LEPROTL1: variants seen among roughly 807,000 people sequenced by gnomAD.
LEPROTL1 encodes leptin receptor overlapping transcript like 1.
In LEPROTL1, 6 loss-of-function variants were observed where a neutral mutation model predicts 15.4. The observed-to-expected ratio is 0.39, with a 90% CI of 0.21 to 0.77. LEPROTL1 has a LOEUF of 0.77. LEPROTL1 is among the 30% of genes least tolerant of loss of function. The probability of loss-of-function intolerance (pLI) is 0.41; values close to 1 mark genes in which losing one functional copy is unlikely to be tolerated. For synonymous variants in LEPROTL1, 56 were observed against 52.6 expected (o/e 1.06, Z -0.28); for missense variants, 128 against 158.1 (o/e 0.81, Z 1.02).
In LEPROTL1 at chr8:30,105,971, G is replaced by A. The variant is rs1802559151; in HGVS notation, c.*109G>A. The stretch of plus-strand genomic sequence containing the variant: ...TGAATGGTATAGCAAGCCTCTTGGG[G>A]GTATTTTAGGTGCTCCCTTCTCACT... On this transcript the variant is annotated 3_prime_UTR_variant, in exon 4 of 4. Coordinates refer to ENST00000321250, the MANE Select transcript of LEPROTL1 (RefSeq NM_015344.3). 2 of 1,301,456 alleles carry A rather than the reference G, an allele frequency of 1.5e-6. No individual in the cohort carries two copies. Among genetic ancestry groups the A allele is most frequent in the Admixed American group, 6.0e-5 (2 of 33,346 alleles). 80.6% of individuals were successfully genotyped at this position (1,301,456 alleles called of 1,614,324 possible). A position where few individuals can be genotyped will look rare whatever the true frequency, so the allele number is the denominator to read the frequency against.
intron 3 of LEPROTL1, among the ~76,000 whole-genome samples, chr8:30,130,335 A>G (rs1443441377): frequency 1.3e-5 from 2 of 152,190 alleles, no homozygotes; most frequent in Non-Finnish European, 2.9e-5. Flanking sequence ...CCCAATTTTC[A>G]TCACTGCCAT....
rs1160424816 is a variant in LEPROTL1, at chr8:30,120,079, AAATAAAT to A, written c.280-12293_280-12287del. On this transcript the variant is annotated intron_variant, in intron 3 of 4. Transcript: ENST00000442880. ...AGACTCCATCAATAAATAAATAAAT[AAATAAAT>A]AAATAAATAAATAAATAAATGTATG... Among the ~76,000 whole-genome samples, 12 of 57,424 alleles carry A rather than the reference AAATAAAT, an allele frequency of 2.1e-4. No individual in the cohort carries two copies. The East Asian group carries it at 4.4e-3, about 21-fold the overall frequency. 37.7% of individuals were successfully genotyped at this position (57,424 alleles called of 152,430 possible).
At position 30,106,777 on chromosome 8, in the gene LEPROTL1, G is replaced by A; in HGVS notation, c.*915G>A. On this transcript the variant is annotated 3_prime_UTR_variant, in exon 4 of 4. Transcript: ENST00000321250. ...ATACATGGAACCACTACTGATGAGG[G>A]ACAGTTGTATGTTTGCATCATATAT... 1.0e-6 allele frequency: 1 copy of A among 983,868 alleles called. No homozygotes were observed. The highest frequency in any genetic ancestry group is 1.2e-6 in the Non-Finnish European group (1 of 828,220). The allele number at this position is 983,868 out of a possible 1,614,324, so 60.9% of individuals were successfully genotyped here.
intron 1 of LEPROTL1, among the ~76,000 whole-genome samples, chr8:30,098,372 T>C (rs1375878307): frequency 1.3e-5 from 2 of 152,226 alleles, no homozygotes; most frequent in East Asian, 3.8e-4. Flanking sequence ...TGAATTCCCA[T>C]CTAACAATTG....
At chr8:30,109,193 CA>C (rs1471092634), downstream of LEPROTL1, among the ~76,000 whole-genome samples, 2 of 152,178 alleles carry the variant, frequency 1.3e-5, no homozygotes, top group African/African-American at 2.4e-5. Context: ...ACAAGCAACA[CA>C]ACGTTATTGT....
downstream of LEPROTL1, among the ~76,000 whole-genome samples, chr8:30,109,868 A>C (rs956173342): frequency 6.6e-6 from 1 of 151,726 alleles, no homozygotes; most frequent in African/African-American, 2.4e-5. Flanking sequence ...TTAAGAAAAA[A>C]ATAATTTTTA....
At chr8:30,110,389 G>A (rs374586653), downstream of LEPROTL1, among the ~76,000 whole-genome samples, 12 of 152,238 alleles carry the variant, frequency 7.9e-5, no homozygotes, top group African/African-American at 2.2e-4. Flanking sequence ...GCGTGCGCGC[G>A]TGTGTGTAGT....
At chr8:30,131,306 G>GTGTATA (rs71206233) in intron 3 of LEPROTL1, among the ~76,000 whole-genome samples, 65 of 141,412 alleles carry the variant, frequency 4.6e-4, no homozygotes, top group Admixed American at 2.4e-3. Flanking sequence ...ATGTGTGTGT[G>GTGTATA]TATATATATA....
rs138038257 is a variant in LEPROTL1, at chr8:30,132,450, G to A, written c.355G>A (p.Val119Met). Residue 119 changes from valine (V) to methionine (M), a missense_variant, in exon 4 of 5, where the codon GTG becomes ATG. Coordinates refer to the LEPROTL1 transcript ENST00000442880. Reference sequence around the variant, plus strand: ...CAAGCTCAGGCCCAAAGCCCGCTGCGTGGAGGAGGGAGTCGTCCAGGATCC... The same window carrying A: ...CAAGCTCAGGCCCAAAGCCCGCTGCATGGAGGAGGGAGTCGTCCAGGATCC... 3.8e-4 allele frequency: 586 copies of A among 1,551,740 alleles called. 1 individual carries two copies. Among genetic ancestry groups the A allele is most frequent in the South Asian group, 6.7e-4 (56 of 84,060 alleles).
chr8:30,131,251 C>A (rs1803005532), intron 3 of LEPROTL1, among the ~76,000 whole-genome samples: 1 of 131,254 alleles, frequency 7.6e-6, no homozygotes. Context: ...CATGTCCACC[C>A]AAATATACAT....
At chr8:30,117,287 A>C (rs1802756229) in intron 3 of LEPROTL1, 1 of 655,098 alleles carries the variant, frequency 1.5e-6, no homozygotes, top group Admixed American at 2.8e-5. Context: ...CAAGAGTTTC[A>C]GACCAGCCTG....
intron 1 of LEPROTL1, among the ~76,000 whole-genome samples, chr8:30,099,363 GT>G (rs1050803956): frequency 5.9e-5 from 9 of 151,972 alleles, no homozygotes; most frequent in African/African-American, 2.2e-4. Context: ...GGAGGCCAAG[GT>G]GGGCAGATCG....
At position 30,107,702 on chromosome 8, in the gene LEPROTL1, A is replaced by G. The variant is rs1434720178; in HGVS notation, c.*1840A>G. On this transcript the variant is annotated 3_prime_UTR_variant, in exon 4 of 4. Transcript: ENST00000321250. The stretch of plus-strand genomic sequence containing the variant: ...AGGAAGGTGCAGGTACACATGAGTT[A>G]GAGAGCTGGTGAGACAGTTGGGAAC... 1 of 985,396 alleles carries G rather than the reference A, an allele frequency of 1.0e-6. No homozygotes were observed. The highest frequency in any genetic ancestry group is 1.1e-4 in the East Asian group (1 of 8,832). 61.0% of individuals were successfully genotyped at this position (985,396 alleles called of 1,614,324 possible).
downstream of LEPROTL1, among the ~76,000 whole-genome samples, chr8:30,110,115 A>T (rs1802632454): frequency 6.6e-6 from 1 of 152,212 alleles, no homozygotes; most frequent in Non-Finnish European, 1.5e-5. Context: ...GTTTATTTTT[A>T]CAAGAAACTT....
chr8:30,136,727 G>C (rs2134559), intron 4 of LEPROTL1, among the ~76,000 whole-genome samples: 22,663 of 143,606 alleles, frequency 0.16, 2,243 homozygotes, highest in African/African-American at 0.31. Context: ...CTCTCCCCCC[G>C]AACTTTTTTT....
chr8:30,132,117 A>G (rs1194429795), intron 3 of LEPROTL1: 1 of 1,551,734 alleles, frequency 6.4e-7, no homozygotes, highest in Non-Finnish European at 8.7e-7. Context: ...TGAGGGTTCT[A>G]TAGAACAGCC....
chr8:30,129,027 T>C (rs1379582576), intron 3 of LEPROTL1, among the ~76,000 whole-genome samples: 2 of 152,136 alleles, frequency 1.3e-5, no homozygotes, highest in Admixed American at 6.6e-5. Flanking sequence ...AGAGAAAGTA[T>C]AGAACCCTTC....
chr8:30,119,457 C>T (rs769792776), intron 3 of LEPROTL1, among the ~76,000 whole-genome samples: 7 of 152,174 alleles, frequency 4.6e-5, no homozygotes, highest in East Asian at 1.9e-4. Context: ...GGATTATAGG[C>T]GTGAGCTGCC....
intron 3 of LEPROTL1, among the ~76,000 whole-genome samples, chr8:30,130,874 G>A (rs1802994398): frequency 6.6e-6 from 1 of 150,684 alleles, no homozygotes; most frequent in East Asian, 1.9e-4. Context: ...CCACACCCTG[G>A]ATTCAAGCGA....
Sources: allele counts gnomAD v4.1 joint callset (sites outside exome capture counted in the v4.1 genomes callset), GRCh38; gene constraint gnomAD v4.1.1; transcripts MANE v1.5; gene names NCBI Gene and HGNC (gene_info 2026-07-23, HGNC 2026-07-21).